HBS1L: variants seen among roughly 807,000 people sequenced by gnomAD.
The protein encoded by HBS1L is HBS1 like translational GTPase.
Under a neutral mutation model 88.9 loss-of-function variants are expected in HBS1L, and 55 were observed. The observed-to-expected ratio is 0.62, with a 90% CI of 0.50 to 0.77. The LOEUF is 0.77. Ranked by LOEUF, HBS1L falls within the 30% of genes least tolerant of loss-of-function variation. The pLI is 0.00. For synonymous variants in HBS1L, 267 were observed against 288.5 expected, an observed-to-expected ratio of 0.93 and a Z score of 0.76; for missense variants, 741 against 829.3, an observed-to-expected ratio of 0.89 and a Z score of 1.31.
At chr6:134,986,343 T>C (rs1774979139) in intron 10 of HBS1L, among the ~76,000 whole-genome samples, 160 bp from the exon 11 acceptor site, 1 of 152,154 alleles carries the variant, frequency 6.6e-6, no homozygotes, top group Non-Finnish European at 1.5e-5. Context: ...TCTGATCCAA[T>C]AATTTTCAAC....
chr6:134,997,005 G>T, intron 6 of HBS1L, 63 bp from the exon 7 acceptor site: 1 of 1,168,890 alleles, frequency 8.6e-7, no homozygotes, highest in Non-Finnish European at 1.2e-6. Context: ...TTGAGGCATT[G>T]CATAAATGTG....
At position 134,993,121 on chromosome 6, in the gene HBS1L, T is replaced by C. The variant is rs186120252; in HGVS notation, c.1083+637A>G. ...TTGGAACTATAGGTTCCATGTAGCC[T>C]AGGTGTATAAAAGATGTTACCATCC... On this transcript the variant is annotated intron_variant, in intron 8 of 17. Transcript: ENST00000367837. Among the ~76,000 whole-genome samples the C allele has an allele frequency of 3.8e-3, 576 of 152,312 alleles. 3 individuals carry two copies. Among genetic ancestry groups the C allele is most frequent in the African/African-American group, 0.012 (515 of 41,572 alleles).
Position 135,050,578 on chromosome 6 carries a change from T to A in HBS1L, c.109+4A>T, listed in dbSNP as rs1777049537. On this transcript the variant is annotated splice_donor_region_variant and intron_variant, in intron 2 of 17. Transcript: ENST00000367837. ...AAGGAATCAAATTATTTTTAAAAAT[T>A]CACCTGTTGACGGCGAAATACAATA... is the stretch of plus-strand genomic sequence containing the variant. 2 of 1,575,282 alleles carry A rather than the reference T, an allele frequency of 1.3e-6. No individual in the cohort carries two copies. Among genetic ancestry groups the A allele is most frequent in the Non-Finnish European group, 1.7e-6 (2 of 1,154,204 alleles).
chr6:134,987,465 C>A (rs1480924262), intron 9 of HBS1L, among the ~76,000 whole-genome samples, 180 bp downstream of exon 9: 1 of 151,888 alleles, frequency 6.6e-6, no homozygotes, highest in Admixed American at 6.6e-5. Flanking sequence ...AATAAGAAGA[C>A]ATTTTCTTAC....
intron 12 of HBS1L, among the ~76,000 whole-genome samples, chr6:134,984,108 G>A (rs1294784667): frequency 6.6e-6 from 1 of 152,176 alleles, no homozygotes; most frequent in African/African-American, 2.4e-5. Context: ...AACAGAAGGT[G>A]AGAAAGTACA....
chr6:134,983,928 G>A (rs1361281658), intron 12 of HBS1L, among the ~76,000 whole-genome samples: 1 of 152,102 alleles, frequency 6.6e-6, no homozygotes, highest in African/African-American at 2.4e-5. Flanking sequence ...ACCAAGGGAG[G>A]AGTTTCAAGG....
intron 4 of HBS1L, among the ~76,000 whole-genome samples, chr6:135,010,078 C>T (rs111926487): frequency 6.6e-6 from 1 of 152,152 alleles, no homozygotes; most frequent in African/African-American, 2.4e-5. Flanking sequence ...TCTATAATTC[C>T]TTACCTTTTC....
chr6:135,017,289 A>ACTAT (rs1775949442), intron 4 of HBS1L, among the ~76,000 whole-genome samples: 1 of 152,176 alleles, frequency 6.6e-6, no homozygotes, highest in Non-Finnish European at 1.5e-5. Context: ...ACATTTTAAT[A>ACTAT]CTATCATTGA....
intron 12 of HBS1L, among the ~76,000 whole-genome samples, chr6:134,984,980 G>A (rs113814533): frequency 7.2e-5 from 11 of 152,146 alleles, no homozygotes; most frequent in African/African-American, 1.7e-4. Flanking sequence ...GTAGACATGT[G>A]GCAATAAACA....
intron 4 of HBS1L, chr6:135,027,304 G>C (rs987715784): frequency 6.7e-6 from 1 of 149,462 alleles, no homozygotes; most frequent in African/African-American, 2.5e-5. Context: ...TGAAACTACA[G>C]AGAACTACAC....
intron 17 of HBS1L, among the ~76,000 whole-genome samples, chr6:134,965,801 T>G (rs1774296781): frequency 6.6e-6 from 1 of 152,186 alleles, no homozygotes; most frequent in Non-Finnish European, 1.5e-5. Context: ...GTATTTTACT[T>G]AAATTATGTA....
intron 4 of HBS1L, among the ~76,000 whole-genome samples, chr6:135,014,692 T>C (rs1775866985): frequency 6.6e-6 from 1 of 151,944 alleles, no homozygotes; most frequent in Non-Finnish European, 1.5e-5. Flanking sequence ...TTCATGAATA[T>C]AGACACATTT....
intron 4 of HBS1L, among the ~76,000 whole-genome samples, chr6:135,030,647 T>G (rs1776358237): frequency 6.6e-6 from 1 of 151,904 alleles, no homozygotes; most frequent in Non-Finnish European, 1.5e-5. Context: ...GCTAATGGCC[T>G]TTAAGAGGAA....
chr6:134,993,830 G>C lies in HBS1L; in HGVS notation c.1011C>G (p.Thr337=), dbSNP rs77328864. 6.5e-4 allele frequency: 1,038 copies of C among 1,605,990 alleles called. 3 individuals carry two copies. In the African/African-American group the frequency reaches 0.012, roughly 19 times the overall value. ...GAGCATCCATTAATGTAATAACTTT[G>C]GTTGTGGTTTCAAACTTTGTCATAC... ...DVGMTKFETT[T]KVITLMDAPG... Residue 337 remains threonine (T), a synonymous_variant, in exon 8 of 18, where the codon ACC becomes ACG. Transcript: ENST00000367837.
At chr6:135,043,017 T>C (rs1776793953) in intron 2 of HBS1L, among the ~76,000 whole-genome samples, 1 of 152,220 alleles carries the variant, frequency 6.6e-6, no homozygotes, top group Admixed American at 6.5e-5. Flanking sequence ...TACTCTGCAA[T>C]ACTGCCAAAC....
intron 4 of HBS1L, among the ~76,000 whole-genome samples, chr6:135,031,410 CTATA>C (rs1776380445): frequency 6.6e-6 from 1 of 151,990 alleles, no homozygotes; most frequent in Non-Finnish European, 1.5e-5. Context: ...CAAGAGTCGA[CTATA>C]TATGTATGCA....
intron 4 of HBS1L, among the ~76,000 whole-genome samples, chr6:135,006,051 T>C (rs1775601626): frequency 6.6e-6 from 1 of 152,214 alleles, no homozygotes; most frequent in Non-Finnish European, 1.5e-5. Context: ...CTATCTGCCT[T>C]TGTGTGACTT....
At chr6:135,015,445 C>T (rs1237277750) in intron 4 of HBS1L, among the ~76,000 whole-genome samples, 1 of 152,178 alleles carries the variant, frequency 6.6e-6, no homozygotes, top group Non-Finnish European at 1.5e-5. Context: ...CCCCTTTCCA[C>T]TCTCTGTCCT....
rs1774228783 is a variant in HBS1L at position 134,963,358 on chromosome 6, C to CTGAGGA, written c.*1915_*1920dup. 1 of 152,192 alleles carries CTGAGGA rather than the reference C, an allele frequency of 6.6e-6. No individual in the cohort carries two copies. Among genetic ancestry groups the CTGAGGA allele is most frequent in the South Asian group, 2.1e-4 (1 of 4,836 alleles). 9.4% of individuals were successfully genotyped at this position (152,192 alleles called of 1,614,324 possible). A position where few individuals can be genotyped will look rare whatever the true frequency, so the allele number is the denominator to read the frequency against. On this transcript the variant is annotated 3_prime_UTR_variant, in exon 18 of 18. Coordinates refer to ENST00000367837, the MANE Select transcript of HBS1L (RefSeq NM_006620.4). ...TCTGTCCTTGCCCTGGATGGGAGATCTGAGGATGTAAGTGTGGAATTATCA... is the reference window on the plus strand; with the variant it reads ...TCTGTCCTTGCCCTGGATGGGAGATCTGAGGATGAGGATGTAAGTGTGGAATTATCA...
Sources: gnomAD v4.1 joint callset for allele counts (sites outside exome capture counted in the v4.1 genomes callset) on GRCh38, gnomAD v4.1.1 for gene constraint, MANE v1.5 for transcripts, NCBI Gene and HGNC (gene_info 2026-07-23, HGNC 2026-07-21) for gene names.